The following POU2F1 variants were observed in gnomAD, a reference collection of about 807,000 sequenced individuals.
POU2F1 encodes POU class 2 homeobox 1.
Under a neutral mutation model 84.9 loss-of-function variants are expected in POU2F1, and 16 were observed. That is an observed-to-expected ratio of 0.19 (90% CI 0.13 to 0.29). The LOEUF is 0.29. Among genes scored for constraint, POU2F1 ranks in the 10% least tolerant of loss-of-function variants. The probability of loss-of-function intolerance (pLI) is 1.00; values close to 1 mark genes in which losing one functional copy is unlikely to be tolerated. For missense variants in POU2F1, 738 were observed against 942.6 expected (o/e 0.78, Z 2.84); for synonymous variants, 368 against 368.3 (o/e 1.00, Z 0.01).
At chr1:167,278,219 T>C (rs1432727387) in intron 1 of POU2F1, among the ~76,000 whole-genome samples, 1 of 152,244 alleles carries the variant, frequency 6.6e-6, no homozygotes. Flanking sequence ...CTTAGTCAAT[T>C]TCCATTTCAT....
At chr1:167,349,137 G>T (rs1426185341) in intron 2 of POU2F1, among the ~76,000 whole-genome samples, 2 of 151,918 alleles carry the variant, frequency 1.3e-5, no homozygotes, top group Non-Finnish European at 2.9e-5. Flanking sequence ...TCTACTTTTG[G>T]TATAGAAATG....
At chr1:167,280,031 C>T (rs1246340807) in intron 1 of POU2F1, among the ~76,000 whole-genome samples, 1 of 151,848 alleles carries the variant, frequency 6.6e-6, no homozygotes, top group African/African-American at 2.4e-5. Context: ...CATGGTGAAA[C>T]CCCGTTTTTA....
At chr1:167,400,043 G>A (rs886979688) in intron 12 of POU2F1, among the ~76,000 whole-genome samples, 1 of 139,246 alleles carries the variant, frequency 7.2e-6, no homozygotes, top group East Asian at 2.2e-4. Context: ...GAGTGCAATG[G>A]TACGATTTCA....
chr1:167,251,250 A>G (rs1007189294), intron 1 of POU2F1, among the ~76,000 whole-genome samples: 5 of 152,048 alleles, frequency 3.3e-5, no homozygotes, highest in Non-Finnish European at 5.9e-5. Flanking sequence ...AAATCCAGAA[A>G]TTAGCCGGTG....
intron 9 of POU2F1, among the ~76,000 whole-genome samples, chr1:167,391,255 T>C (rs1029374702): frequency 1.3e-5 from 2 of 152,070 alleles, no homozygotes; most frequent in East Asian, 1.9e-4. Flanking sequence ...ATAATACTTT[T>C]AAAGCAGGCA....
intron 9 of POU2F1, among the ~76,000 whole-genome samples, chr1:167,392,614 T>TA (rs1016450342): frequency 2.7e-4 from 41 of 152,322 alleles, no homozygotes; most frequent in African/African-American, 9.6e-4. Context: ...TTGCCAGTGT[T>TA]ATGTTTTTCT....
Position 167,416,087 on chromosome 1 carries a change from T to TAAAAAAAAAAAAAAAAAAAGAAAAAAA in POU2F1, c.*300_*301insAAAAAAAAAAAAAAAAAAAAAAAGAAA. On this transcript the variant is annotated 3_prime_UTR_variant, in exon 16 of 16. Transcript: ENST00000367866. ...ATTGGAGAACTTTCTAACCAAAAAT[T>TAAAAAAAAAAAAAAAAAAAGAAAAAAA]AAAAAAAAAAAAAAAAAAAGAAACA... 2.8e-6 allele frequency: 1 copy of TAAAAAAAAAAAAAAAAAAAGAAAAAAA among 351,044 alleles called. No individual in the cohort carries two copies. Among genetic ancestry groups the TAAAAAAAAAAAAAAAAAAAGAAAAAAA allele is most frequent in the South Asian group, 2.1e-5 (1 of 47,078 alleles). 21.7% of individuals were successfully genotyped at this position (351,044 alleles called of 1,614,324 possible).
At chr1:167,245,883 G>C (rs960569300) in intron 1 of POU2F1, among the ~76,000 whole-genome samples, 1 of 152,186 alleles carries the variant, frequency 6.6e-6, no homozygotes, top group African/African-American at 2.4e-5. Context: ...TGAAAATTGT[G>C]ATAGGATTTT....
chr1:167,282,114 G>A (rs1040142499), intron 1 of POU2F1, among the ~76,000 whole-genome samples: 1 of 150,732 alleles, frequency 6.6e-6, no homozygotes, highest in African/African-American at 2.4e-5. Flanking sequence ...TATTCATACT[G>A]TTACTTAAGT....
intron 1 of POU2F1, among the ~76,000 whole-genome samples, chr1:167,305,669 A>G (rs1655017257): frequency 6.6e-6 from 1 of 152,250 alleles, no homozygotes; most frequent in Non-Finnish European, 1.5e-5. Context: ...TATTTTGGGC[A>G]GTCATATTTA....
intron 2 of POU2F1, chr1:167,357,368 ACCCC>A (rs1557922195): frequency 1.1e-4 from 3 of 27,820 alleles, no homozygotes; most frequent in African/African-American, 1.6e-4. Flanking sequence ...CTCCCCCCCC[ACCCC>A]CCCCCCACCC....
intron 1 of POU2F1, among the ~76,000 whole-genome samples, chr1:167,259,603 G>C (rs570198917): frequency 6.6e-6 from 1 of 152,242 alleles, no homozygotes; most frequent in Non-Finnish European, 1.5e-5. Flanking sequence ...GTGTAAGATA[G>C]AGTGCATGGA....
In POU2F1 at chr1:167,399,182, G is replaced by T; in HGVS notation, c.1270-4G>T. Reference sequence around the variant, plus strand: ...TTTTGGAATTACATCTTTTCACCCTGCAGAATCAAAAGCCTACCTCGGAAG... The same window carrying T: ...TTTTGGAATTACATCTTTTCACCCTTCAGAATCAAAAGCCTACCTCGGAAG... On this transcript the variant is annotated splice_region_variant and splice_polypyrimidine_tract_variant and intron_variant, in intron 11 of 15. Transcript: ENST00000367866. The T allele has an allele frequency of 1.3e-6, 2 of 1,596,620 alleles. No individual in the cohort carries two copies. The highest frequency in any genetic ancestry group is 1.7e-5 in the Admixed American group (1 of 58,342).
At chr1:167,280,919 A>G (rs1322852949) in intron 1 of POU2F1, among the ~76,000 whole-genome samples, 1 of 152,210 alleles carries the variant, frequency 6.6e-6, no homozygotes, top group Non-Finnish European at 1.5e-5. Context: ...AGTCACATCT[A>G]TTAAGTGCTT....
chr1:167,291,643 T>C (rs1653930130), intron 1 of POU2F1, among the ~76,000 whole-genome samples: 2 of 152,172 alleles, frequency 1.3e-5, no homozygotes, highest in African/African-American at 4.8e-5. Flanking sequence ...TAGTCTATAA[T>C]AAAGGAAAAA....
Position 167,383,838 on chromosome 1 carries a change from A to G in POU2F1, c.719-19A>G, listed in dbSNP as rs187214156. The stretch of plus-strand genomic sequence containing the variant: ...AAGAAATCTTTAATGTTTCTGGATA[A>G]CATGTTTTTCTTCTACAGGTCTCCT... On this transcript the variant is annotated intron_variant, in intron 7 of 15. Coordinates refer to ENST00000367866, the MANE Select transcript of POU2F1 (RefSeq NM_002697.4). 41 of 1,591,960 alleles carry G rather than the reference A, an allele frequency of 2.6e-5. No individual in the cohort carries two copies. In the Admixed American group the frequency reaches 2.8e-4, roughly 11 times the overall value.
chr1:167,298,043 T>G (rs546562119), intron 1 of POU2F1, among the ~76,000 whole-genome samples: 1 of 152,164 alleles, frequency 6.6e-6, no homozygotes, highest in Admixed American at 6.5e-5. Context: ...GGAGAATTGC[T>G]TGAACCTGGG....
At chr1:167,326,759 C>T (rs958345903) in intron 1 of POU2F1, among the ~76,000 whole-genome samples, 5 of 152,160 alleles carry the variant, frequency 3.3e-5, no homozygotes, top group Admixed American at 2.6e-4. Context: ...TAGGAAGGTG[C>T]TGCTCCTGTT....
chr1:167,365,509 C>T lies in POU2F1; in HGVS notation c.170C>T (p.Pro57Leu), dbSNP rs747904132. ...NGLDFQKQPV[P>L]VGGAISTAQA... ...CTGGACTTTCAGAAGCAGCCTGTGC[C>T]TGTAGGAGGAGCAATCTCAACAGCC... The change falls in exon 3 of 16, where the codon CCT (proline) becomes CTT (leucine). Residue 57 changes from proline to leucine, a missense_variant. By Grantham distance (98) the Pro-to-Leu change is moderately conservative. Around this residue, in one of 4 missense-constraint regions of POU2F1, gnomAD observed 161 missense variants for 147.0 expected, o/e 1.10. Transcript: ENST00000367866. The T allele has an allele frequency of 1.2e-6, 2 of 1,603,858 alleles. No homozygotes were observed. The highest frequency in any genetic ancestry group is 1.3e-5 in the African/African-American group (1 of 74,376).
Sources: allele counts gnomAD v4.1 joint callset (sites outside exome capture counted in the v4.1 genomes callset), GRCh38; gene constraint gnomAD v4.1.1; regional missense constraint gnomAD v4.1.1; transcripts MANE v1.5; gene names NCBI Gene and HGNC (gene_info 2026-07-23, HGNC 2026-07-21).